CBFA2T2: variants seen among roughly 807,000 people sequenced by gnomAD.
CBFA2T2 encodes protein CBFA2T2.
In CBFA2T2, 11 loss-of-function variants were observed where a neutral mutation model predicts 62.2. The observed-to-expected ratio is 0.18, with a 90% CI of 0.11 to 0.29. CBFA2T2 has a LOEUF of 0.29. Among genes scored for constraint, CBFA2T2 ranks in the 10% least tolerant of loss-of-function variants. CBFA2T2 has a pLI of 1.00. For synonymous variants in CBFA2T2, 295 were observed against 287.5 expected (o/e 1.03, Z -0.27); for missense variants, 592 against 774.1 (o/e 0.76, Z 2.79).
At chr20:33,605,637 T>C (rs748016982) in intron 1 of CBFA2T2, among the ~76,000 whole-genome samples, 1 of 152,226 alleles carries the variant, frequency 6.6e-6, no homozygotes, top group Non-Finnish European at 1.5e-5. Context: ...CTGCCTATTA[T>C]TAATTGTTCC....
chr20:33,574,755 G>A (rs921660679), intron 1 of CBFA2T2, among the ~76,000 whole-genome samples: 4 of 152,350 alleles, frequency 2.6e-5, no homozygotes, highest in African/African-American at 9.6e-5. Flanking sequence ...TTTGAGATGA[G>A]TATGATCAAT....
chr20:33,567,106 C>G (rs2013352052), intron 1 of CBFA2T2, among the ~76,000 whole-genome samples: 1 of 152,160 alleles, frequency 6.6e-6, no homozygotes, highest in Non-Finnish European at 1.5e-5. Context: ...TTTTCACTGG[C>G]TGATGGACTT....
At chr20:33,555,355 T>TA (rs1209923596) in intron 1 of CBFA2T2, among the ~76,000 whole-genome samples, 13 of 152,204 alleles carry the variant, frequency 8.5e-5, no homozygotes, top group Admixed American at 8.5e-4. Context: ...ATGGGATCAT[T>TA]AGATCATGGA....
At chr20:33,514,404 G>T (rs928868275) in intron 1 of CBFA2T2, among the ~76,000 whole-genome samples, 1 of 151,498 alleles carries the variant, frequency 6.6e-6, no homozygotes. Flanking sequence ...TAGTAGAGAC[G>T]GGGTTTCACC....
Position 33,583,910 on chromosome 20 carries a change from T to TTTTA in CBFA2T2, c.35-23026_35-23023dup, listed in dbSNP as rs370631379. Among the ~76,000 whole-genome samples the TTTTA allele has an allele frequency of 2.2e-3, 327 of 152,070 alleles. 5 individuals carry two copies. In the South Asian group the frequency reaches 0.024, roughly 11 times the overall value. On this transcript the variant is annotated intron_variant, in intron 1 of 10. Transcript: ENST00000342704. Reference sequence around the variant, plus strand: ...CACCATTGTCATTTGGTTTAAGTGATTTTATTTATTTATTTATTTATTTGT... The same window carrying TTTTA: ...CACCATTGTCATTTGGTTTAAGTGATTTTATTTATTTATTTATTTATTTATTTGT...
chr20:33,520,197 T>C (rs2011692379), intron 1 of CBFA2T2, among the ~76,000 whole-genome samples: 3 of 152,024 alleles, frequency 2.0e-5, no homozygotes, highest in African/African-American at 7.2e-5. Context: ...GGAAAAACTA[T>C]TTTGATATAG....
chr20:33,627,001 A>T lies in CBFA2T2; in HGVS notation c.947-1349A>T, dbSNP rs192238660. Among the ~76,000 whole-genome samples the T allele has an allele frequency of 2.9e-4, 44 of 152,286 alleles. No homozygotes were observed. The East Asian group carries it at 8.5e-3, about 29-fold the overall frequency. ...TGGCAGAGACAAAATTCAGACCCCA[A>T]TTGTCTTATGCCCAAGGTTTAGATG... is the stretch of plus-strand genomic sequence containing the variant. On this transcript the variant is annotated intron_variant, in intron 6 of 10. Coordinates refer to ENST00000342704, the MANE Select transcript of CBFA2T2 (RefSeq NM_001032999.3).
Position 33,490,291 on chromosome 20 carries a change from C to A in CBFA2T2, c.24C>A (p.Ala8=). The part of the protein sequence containing the change: MVGVPGA[A]AFQLGPEKRV... ...CGATGGTAGGCGTCCCTGGAGCGGC[C>A]GCCTTCCAGCGTAAGTGGGGCGTGA... Residue 8 remains alanine, a synonymous_variant, in exon 1 of 11, where the codon GCC becomes GCA. Coordinates refer to ENST00000342704, the MANE Select transcript of CBFA2T2 (RefSeq NM_001032999.3). The A allele has an allele frequency of 7.9e-7, 1 of 1,271,546 alleles. No homozygotes were observed. The highest frequency in any genetic ancestry group is 9.9e-7 in the Non-Finnish European group (1 of 1,010,362). 78.8% of individuals were successfully genotyped at this position (1,271,546 alleles called of 1,614,324 possible). A position where few individuals can be genotyped will look rare whatever the true frequency, so the allele number is the denominator to read the frequency against.
rs769739338 is a variant in CBFA2T2, at chr20:33,611,075, C to A, written c.179-19C>A. The A allele has an allele frequency of 8.7e-5, 140 of 1,612,514 alleles. No homozygotes were observed. The highest frequency in any genetic ancestry group is 1.1e-4 in the Non-Finnish European group (133 of 1,178,708). Reference sequence around the variant, plus strand: ...TGTTTTACACGTAACCTGAGTCTTTCATTTTGGCTTTCTTTTAGTAAGCAA... The same window carrying A: ...TGTTTTACACGTAACCTGAGTCTTTAATTTTGGCTTTCTTTTAGTAAGCAA... On this transcript the variant is annotated intron_variant, in intron 2 of 10. Transcript: ENST00000342704.
chr20:33,572,981 A>G (rs962242422), intron 1 of CBFA2T2, among the ~76,000 whole-genome samples: 2 of 152,194 alleles, frequency 1.3e-5, no homozygotes, highest in African/African-American at 4.8e-5. Flanking sequence ...ATGATTTGTT[A>G]TATTTTAGAG....
At chr20:33,578,870 G>C (rs1260736784) in intron 1 of CBFA2T2, among the ~76,000 whole-genome samples, 2 of 152,122 alleles carry the variant, frequency 1.3e-5, no homozygotes, top group African/African-American at 4.8e-5. Context: ...GCTCTACACA[G>C]TCTTTAAAAA....
intron 3 of CBFA2T2, among the ~76,000 whole-genome samples, chr20:33,615,584 C>T (rs1178343058): frequency 6.6e-6 from 1 of 152,112 alleles, no homozygotes; most frequent in Non-Finnish European, 1.5e-5. Flanking sequence ...TCCCTATTCC[C>T]CCCAATAAGT....
chr20:33,525,972 C>T (rs1284732537), intron 1 of CBFA2T2, among the ~76,000 whole-genome samples: 1 of 152,006 alleles, frequency 6.6e-6, no homozygotes, highest in Non-Finnish European at 1.5e-5. Flanking sequence ...TACTTTCTGT[C>T]TATGGATTTG....
intron 3 of CBFA2T2, among the ~76,000 whole-genome samples, chr20:33,615,401 A>G (rs1047280689): frequency 6.6e-6 from 1 of 152,188 alleles, no homozygotes; most frequent in Non-Finnish European, 1.5e-5. Flanking sequence ...ATCCTAAGAA[A>G]ATAATAAACA....
intron 1 of CBFA2T2, among the ~76,000 whole-genome samples, chr20:33,537,042 G>A (rs1256356553): frequency 1.5e-4 from 23 of 152,084 alleles, no homozygotes; most frequent in African/African-American, 5.3e-4. Flanking sequence ...CGTCCCAGAC[G>A]ATGGGCGGCC....
At chr20:33,643,437 A>T (rs1320726478) in intron 10 of CBFA2T2, among the ~76,000 whole-genome samples, 1 of 151,926 alleles carries the variant, frequency 6.6e-6, no homozygotes, top group Non-Finnish European at 1.5e-5. Context: ...TCAGCCAGGC[A>T]TGGTGGCACA....
At chr20:33,571,872 T>C (rs2013584756) in intron 1 of CBFA2T2, among the ~76,000 whole-genome samples, 1 of 152,200 alleles carries the variant, frequency 6.6e-6, no homozygotes. Context: ...ATTTCTTTTC[T>C]TGTGTTTTGT....
chr20:33,547,688 T>A (rs1247256608), intron 1 of CBFA2T2, among the ~76,000 whole-genome samples: 2 of 11,866 alleles, frequency 1.7e-4, no homozygotes, highest in African/African-American at 1.8e-3. Flanking sequence ...CTCAAAAAAA[T>A]GTGTGTGTGT....
At position 33,640,541 on chromosome 20, in the gene CBFA2T2, C is replaced by CTGCG; in HGVS notation, c.1488+11_1488+14dup. The CTGCG allele has an allele frequency of 6.2e-7, 1 of 1,613,462 alleles. No individual in the cohort carries two copies. ...AGAGGAGTCCACGGAGGTCAGAGCT[C>CTGCG]TGCGCCCTGGGGGCTGGGGTGAGCA... is the stretch of plus-strand genomic sequence containing the variant. On this transcript the variant is annotated intron_variant, in intron 10 of 10. Transcript: ENST00000342704.
Sources: gnomAD v4.1 joint callset for allele counts (sites outside exome capture counted in the v4.1 genomes callset) on GRCh38, gnomAD v4.1.1 for gene constraint, MANE v1.5 for transcripts, NCBI Gene and HGNC (gene_info 2026-07-23, HGNC 2026-07-21) for gene names.